BICD1: variants seen among roughly 807,000 people sequenced by gnomAD.
The protein encoded by BICD1 is BICD cargo adaptor 1, also known as protein bicaudal D homolog 1.
BICD1 carries 35 observed loss-of-function variants against 92.5 expected under a neutral mutation model. The ratio of observed to expected loss-of-function variants is 0.38; its 90% CI spans 0.29 to 0.50. BICD1 has a LOEUF of 0.50. BICD1 is among the 20% of genes least tolerant of loss of function. BICD1 has a pLI of 0.93. For synonymous variants in BICD1, 429 were observed against 465.1 expected, an observed-to-expected ratio of 0.92 and a Z score of 1.00; for missense variants, 950 against 1,189.8, an observed-to-expected ratio of 0.80 and a Z score of 2.97.
chr12:32,245,930 T>A (rs1336292867), intron 2 of BICD1, among the ~76,000 whole-genome samples: 3 of 144,150 alleles, frequency 2.1e-5, no homozygotes, highest in Non-Finnish European at 4.5e-5. Context: ...CTTGGGAGGC[T>A]GAGATGGGAG....
chr12:32,190,680 G>A (rs1007245989), intron 1 of BICD1, among the ~76,000 whole-genome samples: 1 of 152,110 alleles, frequency 6.6e-6, no homozygotes, highest in Non-Finnish European at 1.5e-5. Flanking sequence ...TTCAACAGTG[G>A]GTAGATTATC....
At chr12:32,164,387 C>T (rs1468918861) in intron 1 of BICD1, among the ~76,000 whole-genome samples, 1 of 152,142 alleles carries the variant, frequency 6.6e-6, no homozygotes, top group African/African-American at 2.4e-5. Context: ...CAGTTCTTTC[C>T]ACCCTGTAAA....
At chr12:32,336,180 TG>T (rs1251903045) in intron 6 of BICD1, among the ~76,000 whole-genome samples, 1 of 152,188 alleles carries the variant, frequency 6.6e-6, no homozygotes, top group African/African-American at 2.4e-5. Context: ...GACTTTTTTT[TG>T]GCATGAACAG....
intron 1 of BICD1, among the ~76,000 whole-genome samples, chr12:32,209,420 C>G (rs17528882): frequency 0.077 from 11,672 of 152,244 alleles, 538 homozygotes; most frequent in South Asian, 0.18. Context: ...TGCTGTTGAG[C>G]ATTTAATGCT....
intron 2 of BICD1, among the ~76,000 whole-genome samples, chr12:32,244,667 T>G (rs939840414): frequency 6.6e-6 from 1 of 151,102 alleles, no homozygotes; most frequent in East Asian, 1.9e-4. Flanking sequence ...TCTCACTCTG[T>G]CGCCAGGCTG....
intron 1 of BICD1, among the ~76,000 whole-genome samples, chr12:32,182,864 T>C (rs1944314834): frequency 6.8e-6 from 1 of 147,596 alleles, no homozygotes; most frequent in Non-Finnish European, 1.5e-5. Context: ...TTGTGTTTTT[T>C]TCTTTTTCTT....
At chr12:32,323,329 G>A (rs1158548816) in intron 4 of BICD1, among the ~76,000 whole-genome samples, 1 of 152,216 alleles carries the variant, frequency 6.6e-6, no homozygotes, top group African/African-American at 2.4e-5. Context: ...CATTTTGGTT[G>A]TGGGAGGTGG....
chr12:32,112,917 C>G (rs1158495432), intron 1 of BICD1, among the ~76,000 whole-genome samples: 5 of 152,196 alleles, frequency 3.3e-5, no homozygotes, highest in African/African-American at 1.2e-4. Context: ...AGCCTCACCT[C>G]TAATTCATGC....
intron 8 of BICD1, chr12:32,339,219 T>TGGGATAGGTAAAGGGATAGGTAAA (rs1407834712): frequency 3.4e-4 from 418 of 1,239,860 alleles, no homozygotes; most frequent in Non-Finnish European, 3.9e-4. Context: ...TTGGAAGGAA[T>TGGGATAGGTAAAGGGATAGGTAAA]GGGATAGGTA....
intron 8 of BICD1, chr12:32,340,635 G>T: frequency 5.2e-6 from 3 of 572,920 alleles, no homozygotes; most frequent in Non-Finnish European, 6.6e-6. Flanking sequence ...TGTATGACTG[G>T]TTTTTGTTTA....
intron 3 of BICD1, among the ~76,000 whole-genome samples, chr12:32,298,282 C>T (rs1947929491): frequency 6.6e-6 from 1 of 152,082 alleles, no homozygotes; most frequent in Non-Finnish European, 1.5e-5. Context: ...GAATATCACC[C>T]TGGGTGCAAT....
chr12:32,377,399 G>A lies in BICD1; in HGVS notation c.2841-141G>A. 4.5e-6 allele frequency: 3 copies of A among 670,732 alleles called. No individual in the cohort carries two copies. The South Asian group carries it at 5.6e-5, about 13-fold the overall frequency. The allele number at this position is 670,732 out of a possible 1,614,324, so 41.5% of individuals were successfully genotyped here. Reference sequence around the variant, plus strand: ...TGAAAAGCTACCATTATCTTGGCATGCTTTAGATGGAAACCATTTACTGTG... The same window carrying A: ...TGAAAAGCTACCATTATCTTGGCATACTTTAGATGGAAACCATTTACTGTG... On this transcript the variant is annotated intron_variant, in intron 9 of 9. Coordinates refer to ENST00000652176, the MANE Select transcript of BICD1 (RefSeq NM_001714.4).
At position 32,337,886 on chromosome 12, in the gene BICD1, C is replaced by T. The variant is rs1160459662; in HGVS notation, c.2570+70C>T. 1 of 1,539,222 alleles carries T rather than the reference C, an allele frequency of 6.5e-7. No homozygotes were observed. Among genetic ancestry groups the T allele is most frequent in the Non-Finnish European group, 9.0e-7 (1 of 1,115,648 alleles). On this transcript the variant is annotated intron_variant, in intron 7 of 9. Coordinates refer to ENST00000652176, the MANE Select transcript of BICD1 (RefSeq NM_001714.4). This position sits in a 1 kb window ranked among gnomAD's most constrained non-coding sequence, Gnocchi z 4.7. Reference sequence around the variant, plus strand: ...TTAGTTAACTGCAAAAATAAATGTGCTCTTGTTGTGGAGGATGGAGGAGGG... The same window carrying T: ...TTAGTTAACTGCAAAAATAAATGTGTTCTTGTTGTGGAGGATGGAGGAGGG...
At chr12:32,107,769 G>A (rs1941540836) in intron 1 of BICD1, 1 of 709,760 alleles carries the variant, frequency 1.4e-6, no homozygotes, top group Non-Finnish European at 2.5e-6. Context: ...GGCAATGGCT[G>A]TTTGGCCTGC....
In BICD1 at chr12:32,107,484, G is replaced by A. The variant is rs201418339; in HGVS notation, c.153G>A (p.Gln51=). ...AGGAGAAGCTGACCCTCAAACAGCA[G>A]TATGATGAACTGGAGGCTGAGTACG... ...VLEEKLTLKQ[Q]YDELEAEYDS... The change falls in exon 1 of 10, where the codon CAG becomes CAA. Residue 51 remains glutamine, a synonymous_variant. Transcript: ENST00000652176. 2.9e-5 allele frequency: 47 copies of A among 1,609,362 alleles called. No homozygotes were observed. In the African/African-American group the frequency reaches 5.5e-4, roughly 19 times the overall value.
intron 2 of BICD1, among the ~76,000 whole-genome samples, chr12:32,258,775 A>G (rs1229438135): frequency 1.3e-5 from 2 of 152,232 alleles, no homozygotes; most frequent in Non-Finnish European, 2.9e-5. Flanking sequence ...CAAAGACTTT[A>G]AGACTTTCAC....
At chr12:32,276,435 A>G (rs1947278874) in intron 2 of BICD1, among the ~76,000 whole-genome samples, 1 of 152,172 alleles carries the variant, frequency 6.6e-6, no homozygotes, top group African/African-American at 2.4e-5. Flanking sequence ...ACCTTTAAAC[A>G]CGGGGCTTGC....
At chr12:32,150,363 T>C (rs1041254520) in intron 1 of BICD1, among the ~76,000 whole-genome samples, 1 of 152,246 alleles carries the variant, frequency 6.6e-6, no homozygotes. Flanking sequence ...CTGAAGGTTT[T>C]ATCTAGGCAG....
chr12:32,243,568 T>C (rs1482462382), intron 2 of BICD1, among the ~76,000 whole-genome samples: 1 of 152,156 alleles, frequency 6.6e-6, no homozygotes, highest in Non-Finnish European at 1.5e-5. Flanking sequence ...TTCTACTACT[T>C]GTGTGTGCCA....
Sources: gnomAD v4.1 joint callset for allele counts (sites outside exome capture counted in the v4.1 genomes callset) on GRCh38, gnomAD v4.1.1 for gene constraint, Gnocchi (gnomAD v3.1) non-coding constraint, MANE v1.5 for transcripts, NCBI Gene and HGNC (gene_info 2026-07-23, HGNC 2026-07-21) for gene names.